Variants in MZT1 observed in about 807,000 individuals in gnomAD.
MZT1 encodes the protein mitotic spindle organizing protein 1.
A neutral mutation model predicts 8.5 loss-of-function variants in MZT1; 8 were observed. The observed-to-expected ratio is 0.94, with a 90% CI of 0.55 to 1.70. The LOEUF is 1.70. Among genes scored for constraint, MZT1 ranks in the 40% most tolerant of loss-of-function variants. The pLI is 0.00. For missense variants in MZT1, 93 were observed against 108.6 expected, an observed-to-expected ratio of 0.86 and a Z score of 0.64; for synonymous variants, 38 against 42.0, an observed-to-expected ratio of 0.90 and a Z score of 0.37.
intron 2 of MZT1, among the ~76,000 whole-genome samples, chr13:72,717,396 A>G (rs2032546662): frequency 6.7e-6 from 1 of 149,706 alleles, no homozygotes; most frequent in African/African-American, 2.5e-5. Flanking sequence ...CTGGAGTGCA[A>G]TATCGCAATC....
chr13:72,710,494 T>C (rs2032478233), intron 2 of MZT1, 149 bp from the exon 3 acceptor site: 1 of 707,882 alleles, frequency 1.4e-6, no homozygotes, highest in Non-Finnish European at 2.5e-6. Flanking sequence ...GTGCTTTTCA[T>C]GTTTTGCTAT....
chr13:72,719,807 T>C (rs935321449), intron 1 of MZT1, among the ~76,000 whole-genome samples: 2 of 152,208 alleles, frequency 1.3e-5, no homozygotes, highest in Non-Finnish European at 2.9e-5. Flanking sequence ...ATAGAACTCA[T>C]TGTCTTTAAC....
At chr13:72,712,730 A>T (rs1321009234) in intron 2 of MZT1, among the ~76,000 whole-genome samples, 1 of 152,200 alleles carries the variant, frequency 6.6e-6, no homozygotes, top group Non-Finnish European at 1.5e-5. Context: ...TGCCTAAGAA[A>T]ATGCTATGCC....
intron 2 of MZT1, among the ~76,000 whole-genome samples, chr13:72,714,397 T>C (rs2032515256): frequency 6.6e-6 from 1 of 152,172 alleles, no homozygotes; most frequent in Non-Finnish European, 1.5e-5. Context: ...AACCTGTCCA[T>C]GTGGTAGAAA....
Position 72,709,527 on chromosome 13 carries a change from G to A in MZT1, c.*795C>T, listed in dbSNP as rs537930895. ...TTCATTTTACAAATTTTTTTATTCC[G>A]TTATTTATAGGATATAAAACTTTAA... On this transcript the variant is annotated 3_prime_UTR_variant, in exon 3 of 3. Transcript: ENST00000377818. 10 of 151,760 alleles carry A rather than the reference G, an allele frequency of 6.6e-5. No individual in the cohort carries two copies. The highest frequency in any genetic ancestry group is 1.9e-4 in the East Asian group (1 of 5,172). The allele number at this position is 151,760 out of a possible 1,614,324, so 9.4% of individuals were successfully genotyped here.
rs199571360 is a variant in MZT1, at chr13:72,724,750, A to ATGTGTGTGTGTG, written c.79+2773_79+2774insCACACACACACA. 3.8e-4 allele frequency among the ~76,000 whole-genome samples: 14 copies of ATGTGTGTGTGTG among 36,884 alleles called. No homozygotes were observed. In the South Asian group the frequency reaches 3.9e-3, roughly 10 times the overall value. 24.2% of individuals were successfully genotyped at this position (36,884 alleles called of 152,430 possible). ...TATATATATATATATACACATATAT[A>ATGTGTGTGTGTG]TATGTAAAGTGGTGCTACAGGCCGG... On this transcript the variant is annotated intron_variant, in intron 1 of 2. Transcript: ENST00000377818.
intron 1 of MZT1, 51 bp downstream of exon 1, chr13:72,727,473 C>A (rs1249695323): frequency 6.4e-6 from 10 of 1,573,530 alleles, no homozygotes; most frequent in Non-Finnish European, 8.7e-6. Flanking sequence ...CGCCTGGGGG[C>A]CTTGGCTCTG....
intron 2 of MZT1, among the ~76,000 whole-genome samples, chr13:72,713,691 C>G (rs1200023904): frequency 6.6e-6 from 1 of 152,158 alleles, no homozygotes; most frequent in African/African-American, 2.4e-5. Flanking sequence ...CCCACAAATA[C>G]AGAGGACTGA....
At chr13:72,717,579 T>G (rs2032548366) in intron 2 of MZT1, among the ~76,000 whole-genome samples, 1 of 152,158 alleles carries the variant, frequency 6.6e-6, no homozygotes, top group South Asian at 2.1e-4. Flanking sequence ...CATCAGGTGA[T>G]CCACCCACCT....
intron 1 of MZT1, among the ~76,000 whole-genome samples, chr13:72,721,982 GATTTCTA>G (rs368333910): frequency 6.6e-5 from 10 of 152,166 alleles, no homozygotes; most frequent in African/African-American, 4.8e-5. Flanking sequence ...TAGCTTTCAA[GATTTCTA>G]ATTTCTAATT....
At chr13:72,712,795 A>T (rs2138006719) in intron 2 of MZT1, among the ~76,000 whole-genome samples, 1 of 152,284 alleles carries the variant, frequency 6.6e-6, no homozygotes, top group Non-Finnish European at 1.5e-5. Context: ...TGGTTCTCTT[A>T]TATGCACTCA....
rs188760198 is a variant in MZT1 at position 72,718,700 on chromosome 13, C to T, written c.225+252G>A. On this transcript the variant is annotated intron_variant, in intron 2 of 2. Coordinates refer to ENST00000377818, the MANE Select transcript of MZT1 (RefSeq NM_001071775.3). ...TTTACTGTGTTAGCCAGGATGGTTT[C>T]GATCTCCTGACCTCATGATCCGCCC... Among the ~76,000 whole-genome samples the T allele has an allele frequency of 3.3e-5, 5 of 152,056 alleles. No individual in the cohort carries two copies. In the South Asian group the frequency reaches 6.2e-4, roughly 19 times the overall value.
intron 1 of MZT1, among the ~76,000 whole-genome samples, chr13:72,719,984 A>G (rs1003853760): frequency 1.4e-4 from 22 of 152,202 alleles, no homozygotes; most frequent in South Asian, 2.1e-4. Flanking sequence ...ATTGTTTCCT[A>G]TATCATTTCC....
chr13:72,726,983 G>A (rs2032671877), intron 1 of MZT1, among the ~76,000 whole-genome samples: 1 of 152,208 alleles, frequency 6.6e-6, no homozygotes, highest in Non-Finnish European at 1.5e-5. Flanking sequence ...GAGGAAACTA[G>A]GATAATTATG....
chr13:72,725,850 TCTAC>T (rs1235739443), intron 1 of MZT1, among the ~76,000 whole-genome samples: 10 of 152,248 alleles, frequency 6.6e-5, no homozygotes, highest in Admixed American at 1.3e-4. Context: ...GGTCTTATAC[TCTAC>T]CTTTTTCCAA....
chr13:72,719,140 C>A (rs779186781), intron 1 of MZT1, 43 bp from the exon 2 acceptor site: 1 of 1,456,890 alleles, frequency 6.9e-7, no homozygotes, highest in South Asian at 1.4e-5. Flanking sequence ...AGGCTTACAG[C>A]ATTTAAAAAT....
chr13:72,715,112 G>C (rs533479615), intron 2 of MZT1, among the ~76,000 whole-genome samples: 1 of 152,192 alleles, frequency 6.6e-6, no homozygotes, highest in African/African-American at 2.4e-5. Context: ...AAAGCCACAG[G>C]GGCAGAGTTG....
chr13:72,713,926 T>A (rs528038382), intron 2 of MZT1, among the ~76,000 whole-genome samples: 71 of 152,356 alleles, frequency 4.7e-4, no homozygotes, highest in African/African-American at 1.6e-3. Flanking sequence ...AAAGTATTCA[T>A]ATAAATATTA....
intron 2 of MZT1, among the ~76,000 whole-genome samples, chr13:72,716,836 G>A (rs942732354): frequency 6.6e-6 from 1 of 152,182 alleles, no homozygotes; most frequent in Admixed American, 6.5e-5. Context: ...GGCCCTCTGG[G>A]AACCTGGTGG....
Sources: gnomAD v4.1 joint callset for allele counts (sites outside exome capture counted in the v4.1 genomes callset) on GRCh38, gnomAD v4.1.1 for gene constraint, MANE v1.5 for transcripts, NCBI Gene and HGNC (gene_info 2026-07-23, HGNC 2026-07-21) for gene names.